Variants in CHL1 observed in about 807,000 individuals in gnomAD.
CHL1 encodes the protein neural cell adhesion molecule L1-like protein.
In CHL1, 96 loss-of-function variants were observed where a neutral mutation model predicts 141.9. The ratio of observed to expected loss-of-function variants is 0.68; its 90% CI spans 0.57 to 0.80. The LOEUF is 0.80. Among genes scored for constraint, CHL1 ranks in the 30% least tolerant of loss-of-function variants. CHL1 has a pLI of 0.00. For synonymous variants in CHL1, 613 were observed against 502.2 expected (o/e 1.22, Z -2.95); for missense variants, 1,820 against 1,457.2 (o/e 1.25, Z -4.05).
chr3:201,305 A>G (rs1199900421), intron 1 of CHL1, among the ~76,000 whole-genome samples: 9 of 152,204 alleles, frequency 5.9e-5, no homozygotes, highest in Non-Finnish European at 1.0e-4. Context: ...TTGAGATTTT[A>G]TGTGTTGTGG....
Position 314,329 on chromosome 3 carries a change from GTATATATATATA to G in CHL1, c.-94-5324_-94-5313del, listed in dbSNP as rs56292297. ...TCTCTTTCTCTCTCTCTCTCTATGT[GTATATATATATA>G]TATATATATATATATATATATATAT... On this transcript the variant is annotated intron_variant, in intron 2 of 27. Coordinates refer to ENST00000256509, the MANE Select transcript of CHL1 (RefSeq NM_006614.4). Among the ~76,000 whole-genome samples, 495 of 65,324 alleles carry G rather than the reference GTATATATATATA, an allele frequency of 7.6e-3. 9 individuals are homozygous for G. The highest frequency in any genetic ancestry group is 0.032 in the Middle Eastern group (2 of 62). 42.9% of individuals were successfully genotyped at this position (65,324 alleles called of 152,430 possible).
At chr3:244,810 C>T (rs1693003538) in intron 2 of CHL1, 118 bp downstream of exon 2, 2 of 152,080 alleles carry the variant, frequency 1.3e-5, no homozygotes, top group South Asian at 4.1e-4. Context: ...GAACTTTTGT[C>T]TTCACTACGG....
chr3:374,274 T>C (rs970323955), intron 15 of CHL1, among the ~76,000 whole-genome samples: 1 of 152,110 alleles, frequency 6.6e-6, no homozygotes, highest in South Asian at 2.1e-4. Context: ...CCAGTTCTCA[T>C]TGAAACACGA....
At chr3:314,426 A>T (rs1048364308) in intron 2 of CHL1, among the ~76,000 whole-genome samples, 1 of 144,994 alleles carries the variant, frequency 6.9e-6, no homozygotes, top group Non-Finnish European at 1.5e-5. Context: ...TCTTCTACCT[A>T]AATTAGCTAT....
intron 11 of CHL1, among the ~76,000 whole-genome samples, chr3:359,020 A>G (rs1216403781): frequency 4.7e-5 from 7 of 147,752 alleles, no homozygotes; most frequent in African/African-American, 1.5e-4. Context: ...ATATAATAAT[A>G]TATATTTATA....
intron 2 of CHL1, among the ~76,000 whole-genome samples, chr3:313,493 C>T (rs967907677): frequency 4.1e-4 from 63 of 151,952 alleles, no homozygotes; most frequent in African/African-American, 1.3e-3. Context: ...ATTTACTATT[C>T]ATTAGAGCCA....
At chr3:281,874 A>G (rs986667276) in intron 2 of CHL1, among the ~76,000 whole-genome samples, 1 of 151,842 alleles carries the variant, frequency 6.6e-6, no homozygotes. Context: ...TCTTTTTCCT[A>G]TATTTTTGCT....
intron 1 of CHL1, among the ~76,000 whole-genome samples, chr3:216,315 C>A (rs1396379309): frequency 3.3e-5 from 5 of 152,148 alleles, no homozygotes; most frequent in East Asian, 1.9e-4. Flanking sequence ...TTATAGTTTT[C>A]TCTTTCCTTT....
chr3:353,984 T>C (rs901039198), intron 10 of CHL1, among the ~76,000 whole-genome samples: 19 of 152,198 alleles, frequency 1.2e-4, no homozygotes, highest in African/African-American at 4.6e-4. Flanking sequence ...TGTAGTATTG[T>C]TACACTGGAG....
intron 1 of CHL1, among the ~76,000 whole-genome samples, chr3:200,425 CTATAT>C (rs1698812101): frequency 1.3e-5 from 2 of 152,102 alleles, no homozygotes; most frequent in African/African-American, 4.8e-5. Context: ...CAGTGATGTA[CTATAT>C]TATCTGATTC....
chr3:394,956 C>G, intron 24 of CHL1, 84 bp downstream of exon 24: 1 of 1,113,346 alleles, frequency 9.0e-7, no homozygotes, highest in Non-Finnish European at 1.3e-6. Context: ...AAGGAAAGCA[C>G]CGTGCCAGTC....
At chr3:229,440 G>A (rs1027256883) in intron 1 of CHL1, among the ~76,000 whole-genome samples, 2 of 152,120 alleles carry the variant, frequency 1.3e-5, no homozygotes, top group Admixed American at 6.6e-5. Flanking sequence ...CCAGGTATGC[G>A]AAGTGAATAA....
In CHL1 at chr3:228,760, A is replaced by T. The variant is rs1057163667; in HGVS notation, c.-174-15853A>T. ...ATAAGTAAGGTGGCATCTTATGTAG[A>T]TTTCTAAATCCTCTACTTTGAAATC... On this transcript the variant is annotated intron_variant, in intron 1 of 27. Transcript: ENST00000256509. 2.0e-5 allele frequency among the ~76,000 whole-genome samples: 3 copies of T among 152,140 alleles called. No homozygotes were observed. The South Asian group carries it at 6.2e-4, about 32-fold the overall frequency.
intron 5 of CHL1, among the ~76,000 whole-genome samples, chr3:330,765 A>G (rs330893): frequency 0.86 from 130,030 of 152,048 alleles, 55,959 homozygotes; most frequent in Middle Eastern, 0.91. Flanking sequence ...GGCAAACTTC[A>G]GTAGAAATTA....
At chr3:280,373 C>T (rs1696533407) in intron 2 of CHL1, among the ~76,000 whole-genome samples, 1 of 151,762 alleles carries the variant, frequency 6.6e-6, no homozygotes, top group Non-Finnish European at 1.5e-5. Context: ...AGTCTTCTTA[C>T]TAGAAAAGAG....
chr3:393,251 T>A (rs1322025293), intron 23 of CHL1, among the ~76,000 whole-genome samples: 1 of 79,616 alleles, frequency 1.3e-5, no homozygotes, highest in Non-Finnish European at 3.2e-5. Flanking sequence ...AAAAAAAGTG[T>A]TAAGAATGCA....
In CHL1 at chr3:387,128, T is replaced by C. The variant is rs115054408; in HGVS notation, c.2248-2124T>C. On this transcript the variant is annotated intron_variant, in intron 19 of 27. Coordinates refer to ENST00000256509, the MANE Select transcript of CHL1 (RefSeq NM_006614.4). ...AATAGTTATAACCTTGCTTGGGTCATAGATCTCTTTGAAACTATGTTGGAC... is the reference window on the plus strand; with the variant it reads ...AATAGTTATAACCTTGCTTGGGTCACAGATCTCTTTGAAACTATGTTGGAC... Among the ~76,000 whole-genome samples the C allele has an allele frequency of 3.1e-3, 470 of 152,362 alleles. 1 individual carries two copies. Among genetic ancestry groups the C allele is most frequent in the Non-Finnish European group, 5.0e-3 (338 of 68,034 alleles).
At chr3:391,854 A>G (rs1429765528) in intron 23 of CHL1, 57 bp downstream of exon 23, 3 of 1,380,002 alleles carry the variant, frequency 2.2e-6, no homozygotes, top group Non-Finnish European at 3.0e-6. Context: ...TTGGTTGAAT[A>G]TTCTCTGTGC....
intron 1 of CHL1, chr3:213,424 A>T (rs1045207577): frequency 1.2e-4 from 19 of 152,198 alleles, no homozygotes; most frequent in African/African-American, 4.6e-4. Context: ...TGCTGAGTGA[A>T]AATCACTGCT....
Sources: allele counts gnomAD v4.1 joint callset (sites outside exome capture counted in the v4.1 genomes callset), GRCh38; gene constraint gnomAD v4.1.1; transcripts MANE v1.5; gene names NCBI Gene and HGNC (gene_info 2026-07-23, HGNC 2026-07-21).